The following MGAM variants were observed in gnomAD, a reference collection of about 807,000 sequenced individuals.
MGAM encodes the protein maltase-glucoamylase, also known as alpha-1,4-glucosidase.
Under a neutral mutation model 358.8 loss-of-function variants are expected in MGAM, and 253 were observed. The ratio of observed to expected loss-of-function variants is 0.71; its 90% CI spans 0.64 to 0.78. The LOEUF (loss-of-function observed/expected upper bound fraction) is 0.78, where lower values mean the gene tolerates loss of function less well. MGAM is among the 30% of genes least tolerant of loss of function. The pLI, the probability that MGAM is intolerant of heterozygous loss-of-function variation, is 0.00. For synonymous variants in MGAM, 1,105 were observed against 1,227.1 expected (o/e 0.90, Z 2.08); for missense variants, 3,080 against 3,432.6 (o/e 0.90, Z 2.57).
intron 22 of MGAM, among the ~76,000 whole-genome samples, chr7:142,048,153 T>C (rs1233437964): frequency 1.9e-5 from 2 of 103,074 alleles, no homozygotes; most frequent in Admixed American, 1.1e-4. Flanking sequence ...ATTTATTTAT[T>C]TATTTATTTA....
At chr7:142,060,199 T>C (rs1345835103) in intron 33 of MGAM, 112 bp from the exon 34 acceptor site, 2 of 1,438,236 alleles carry the variant, frequency 1.4e-6, no homozygotes, top group African/African-American at 1.4e-5. Flanking sequence ...TCCTATGTGA[T>C]AGTCAAAGTA....
chr7:142,095,604 A>G lies in MGAM; in HGVS notation c.7498A>G (p.Ile2500Val), dbSNP rs112671793. 3.4e-3 allele frequency: 5,501 copies of G among 1,613,750 alleles called. 110 individuals carry two copies. The African/African-American group carries it at 0.062, about 18-fold the overall frequency. Reference sequence around the variant, plus strand: ...GTCCTGGGATGTTGCTTTTGTGAATATTTCCAGAACTGTCCTGCAGACCAG... The same window carrying G: ...GTCCTGGGATGTTGCTTTTGTGAATGTTTCCAGAACTGTCCTGCAGACCAG... Reference protein sequence around the residue: ...PVSWDVAFVNISRTVLQTRYT... With the variant: ...PVSWDVAFVNVSRTVLQTRYT... Residue 2500 changes from isoleucine to valine, a missense_variant, in exon 64 of 71, where the codon ATT (isoleucine) becomes GTT (valine). This residue lies in a region of MGAM where 932 missense variants were observed against 1,198.2 expected (regional missense o/e 0.78). Coordinates refer to ENST00000475668, the MANE Select transcript of MGAM (RefSeq NM_001365693.1).
chr7:142,092,894 T>C (rs577909658), intron 59 of MGAM, among the ~76,000 whole-genome samples: 1 of 146,950 alleles, frequency 6.8e-6, no homozygotes, highest in South Asian at 2.2e-4. Flanking sequence ...TTTAGGCTTA[T>C]GTGAATTCCA....
At chr7:142,062,736 T>A (rs1311239911) in intron 35 of MGAM, 34 bp downstream of exon 35, 4 of 1,611,562 alleles carry the variant, frequency 2.5e-6, no homozygotes, top group African/African-American at 1.3e-5. Context: ...TACCAGTGGC[T>A]CTTGTCTATC....
Position 142,093,461 on chromosome 7 carries a change from G to A in MGAM, c.7083G>A (p.Glu2361=), listed in dbSNP as rs1815587253. 1 of 1,534,524 alleles carries A rather than the reference G, an allele frequency of 6.5e-7. No homozygotes were observed. The highest frequency in any genetic ancestry group is 1.2e-5 in the South Asian group (1 of 85,620). ...TGAGCAGCAAGACCCTGTGCATGGA[G>A]AGTCAGCAGATCCTCCCAGACGGCT... The part of the protein sequence containing the change: ...RGLSSKTLCM[E]SQQILPDGSP... Residue 2361 remains glutamate (E), a synonymous_variant, in exon 60 of 71, where the codon GAG becomes GAA. Coordinates refer to ENST00000475668, the MANE Select transcript of MGAM (RefSeq NM_001365693.1).
chr7:142,009,121 A>G (rs1554453577), intron 3 of MGAM, among the ~76,000 whole-genome samples: 1 of 152,142 alleles, frequency 6.6e-6, no homozygotes, highest in Non-Finnish European at 1.5e-5. Flanking sequence ...CTCCTTTCAG[A>G]ATTTCCAAAG....
intron 2 of MGAM, among the ~76,000 whole-genome samples, chr7:141,990,689 T>G (rs1479660970): frequency 1.3e-5 from 2 of 152,158 alleles, no homozygotes; most frequent in African/African-American, 4.8e-5. Context: ...TTTTATTTTT[T>G]TATTATTATA....
intron 29 of MGAM, 120 bp from the exon 30 acceptor site, chr7:142,056,710 T>A: frequency 1.1e-6 from 1 of 883,744 alleles, no homozygotes; most frequent in Non-Finnish European, 1.7e-6. Context: ...TGATAGAAAA[T>A]GCCTGCTGTT....
At chr7:141,994,708 T>A (rs1326296580), upstream of MGAM, among the ~76,000 whole-genome samples, 1 of 152,210 alleles carries the variant, frequency 6.6e-6, no homozygotes, top group Non-Finnish European at 1.5e-5. Flanking sequence ...CGGATCCCCC[T>A]ATGCTGTTCT....
intron 24 of MGAM, 22 bp from the exon 25 acceptor site, chr7:142,052,272 T>A (rs765795195): frequency 6.3e-7 from 1 of 1,576,132 alleles, no homozygotes; most frequent in Non-Finnish European, 8.6e-7. Context: ...TGAATTTCCT[T>A]ATGATTTCCA....
rs71166559 is a variant in MGAM, at chr7:142,088,822, C to CATCTATCTATCTATCTATCT, written c.6810+2135_6810+2154dup. ...CTATCATTCTATCCTATCTATGTACCATCTATCTATCTATCTATCTATCTA... is the reference window on the plus strand; with the variant it reads ...CTATCATTCTATCCTATCTATGTACCATCTATCTATCTATCTATCTATCTATCTATCTATCTATCTATCTA... On this transcript the variant is annotated intron_variant, in intron 57 of 70. Transcript: ENST00000475668. Among the ~76,000 whole-genome samples the CATCTATCTATCTATCTATCT allele has an allele frequency of 2.5e-4, 31 of 124,730 alleles. 6 individuals are homozygous for CATCTATCTATCTATCTATCT. Among genetic ancestry groups the CATCTATCTATCTATCTATCT allele is most frequent in the Admixed American group, 3.4e-4 (4 of 11,724 alleles). 81.8% of individuals were successfully genotyped at this position (124,730 alleles called of 152,430 possible).
intron 21 of MGAM, among the ~76,000 whole-genome samples, chr7:142,041,494 T>A (rs1196475907): frequency 6.6e-6 from 1 of 152,110 alleles, no homozygotes; most frequent in Non-Finnish European, 1.5e-5. Context: ...CAAGCTGTTC[T>A]GCACACTGAT....
chr7:142,050,784 GA>G lies in MGAM; in HGVS notation c.2727del (p.Glu909AspfsTer7). 1 of 1,613,826 alleles carries G rather than the reference GA, an allele frequency of 6.2e-7. No individual in the cohort carries two copies. Among genetic ancestry groups the G allele is most frequent in the East Asian group, 2.2e-5 (1 of 44,880 alleles). ...TGAGATTAAAATTCTTGGGACGGAG[GA>G]ACCTAGCAATGTTACAGTGAAACAC... ...FNEIKILGTE[E>X]PSNVTVKHNG... On this transcript the variant is annotated frameshift_variant, in exon 24 of 71. Coordinates refer to ENST00000475668, the MANE Select transcript of MGAM (RefSeq NM_001365693.1). LOFTEE classifies it high-confidence loss of function.
At chr7:142,040,518 T>A in intron 20 of MGAM, 1 of 637,146 alleles carries the variant, frequency 1.6e-6, no homozygotes, top group Non-Finnish European at 2.7e-6. Flanking sequence ...AGCCTCAGCA[T>A]GGCATAAATT....
At chr7:142,075,081 A>C (rs1425776006) in intron 45 of MGAM, among the ~76,000 whole-genome samples, 13 of 146,220 alleles carry the variant, frequency 8.9e-5, no homozygotes, top group Non-Finnish European at 1.9e-4. Context: ...TCCACATATG[A>C]GTGAGACCAC....
Position 142,105,834 on chromosome 7 carries a change from TG to T in MGAM, c.8206del (p.Asp2736ThrfsTer12). 1 of 1,613,480 alleles carries T rather than the reference TG, an allele frequency of 6.2e-7. No individual in the cohort carries two copies. The highest frequency in any genetic ancestry group is 8.5e-7 in the Non-Finnish European group (1 of 1,179,480). ...AACAGGTATTAAGCATCGATGTGAC[TG>T]ACAGAAACATCAGCCTACATAATTT... The part of the protein sequence containing the change: ...TTQVLSIDVT[D>X]RNISLHNFTS... On this transcript the variant is annotated frameshift_variant, in exon 71 of 71. Coordinates refer to ENST00000475668, the MANE Select transcript of MGAM (RefSeq NM_001365693.1). LOFTEE classifies it high-confidence loss of function.
chr7:141,987,151 T>G (rs1021620648), intron 2 of MGAM, among the ~76,000 whole-genome samples: 2 of 152,154 alleles, frequency 1.3e-5, no homozygotes, highest in Non-Finnish European at 2.9e-5. Flanking sequence ...GTGCTGGTAG[T>G]GGTGGTGGTA....
chr7:142,070,609 C>A (rs1314639275), intron 43 of MGAM, among the ~76,000 whole-genome samples: 1 of 145,592 alleles, frequency 6.9e-6, no homozygotes, highest in African/African-American at 2.4e-5. Flanking sequence ...CACAGGATAG[C>A]CCCATCGCCA....
rs1242504313 is a variant in MGAM, at chr7:142,055,633, C to T, written c.3390C>T (p.Tyr1130=). The T allele has an allele frequency of 6.2e-7, 1 of 1,613,936 alleles. No individual in the cohort carries two copies. The part of the protein sequence containing the change: ...IRISTRLPSK[Y]LYGFGETEHR... ...TCTCCACCCGCCTTCCCTCCAAGTA[C>T]CTCTATGGCTTTGGGGAAACTGAGC... The change falls in exon 28 of 71, where the codon TAC becomes TAT. Residue 1130 remains tyrosine (Y), a synonymous_variant. Coordinates refer to ENST00000475668, the MANE Select transcript of MGAM (RefSeq NM_001365693.1).
Sources: allele counts gnomAD v4.1 joint callset (sites outside exome capture counted in the v4.1 genomes callset), GRCh38; gene constraint gnomAD v4.1.1; regional missense constraint gnomAD v4.1.1; transcripts MANE v1.5; gene names NCBI Gene and HGNC (gene_info 2026-07-23, HGNC 2026-07-21).